The following AGBL4 variants were observed in gnomAD, a reference collection of about 807,000 sequenced individuals.
AGBL4 encodes the protein cytosolic carboxypeptidase 6.
Under a neutral mutation model 66.4 loss-of-function variants are expected in AGBL4, and 58 were observed. The ratio of observed to expected loss-of-function variants is 0.87; its 90% CI spans 0.71 to 1.09. The LOEUF (loss-of-function observed/expected upper bound fraction) is 1.09, where lower values mean the gene tolerates loss of function less well. Ranked by LOEUF, AGBL4 falls within the 50% of genes least tolerant of loss-of-function variation. The probability of loss-of-function intolerance (pLI) is 0.00; values close to 1 mark genes in which losing one functional copy is unlikely to be tolerated. For synonymous variants in AGBL4, 234 were observed against 222.9 expected, an observed-to-expected ratio of 1.05 and a Z score of -0.44; for missense variants, 579 against 631.0, an observed-to-expected ratio of 0.92 and a Z score of 0.88.
chr1:49,048,907 A>G (rs1335118352), intron 4 of AGBL4, among the ~76,000 whole-genome samples: 1 of 152,008 alleles, frequency 6.6e-6, no homozygotes, highest in Non-Finnish European at 1.5e-5. Flanking sequence ...TAATCCCTAC[A>G]GTATCTTTCC....
intron 3 of AGBL4, among the ~76,000 whole-genome samples, chr1:49,504,512 A>T (rs1451406654): frequency 6.6e-6 from 1 of 152,016 alleles, no homozygotes; most frequent in African/African-American, 2.4e-5. Context: ...ATATTTATTT[A>T]GATGCTCCAA....
intron 3 of AGBL4, among the ~76,000 whole-genome samples, chr1:49,543,229 C>T (rs141591807): frequency 9.0e-4 from 137 of 152,164 alleles, no homozygotes; most frequent in South Asian, 3.5e-3. Flanking sequence ...CATTCCACAA[C>T]GAATACCATC....
chr1:49,312,831 C>T (rs1433392836), intron 3 of AGBL4, among the ~76,000 whole-genome samples: 1 of 152,088 alleles, frequency 6.6e-6, no homozygotes, highest in African/African-American at 2.4e-5. Flanking sequence ...ACACCAAACA[C>T]CAGTGAAGAT....
intron 3 of AGBL4, among the ~76,000 whole-genome samples, chr1:49,252,306 C>T (rs57518921): frequency 6.6e-6 from 1 of 152,030 alleles, no homozygotes; most frequent in East Asian, 1.9e-4. Context: ...AGGAAGGATT[C>T]TCAGAGCCTG....
At chr1:48,600,275 G>A (rs1645054657) in intron 9 of AGBL4, among the ~76,000 whole-genome samples, 1 of 152,152 alleles carries the variant, frequency 6.6e-6, no homozygotes, top group South Asian at 2.1e-4. Flanking sequence ...AGGGGTATAG[G>A]GGTGTGGGAA....
At chr1:49,500,313 C>A (rs973293229) in intron 3 of AGBL4, among the ~76,000 whole-genome samples, 3 of 151,772 alleles carry the variant, frequency 2.0e-5, no homozygotes, top group Admixed American at 6.6e-5. Context: ...ACATTTTCTG[C>A]CACTCTGTGG....
At chr1:49,013,526 C>A (rs1383648463) in intron 5 of AGBL4, among the ~76,000 whole-genome samples, 1 of 152,158 alleles carries the variant, frequency 6.6e-6, no homozygotes, top group East Asian at 1.9e-4. Flanking sequence ...ACCCAGGCAA[C>A]CTTCCAATTT....
chr1:49,911,614 C>T (rs929153720), intron 1 of AGBL4, among the ~76,000 whole-genome samples: 14 of 152,086 alleles, frequency 9.2e-5, no homozygotes, highest in African/African-American at 3.4e-4. Flanking sequence ...TTGTGAAACC[C>T]CTAGTGGAGC....
intron 6 of AGBL4, among the ~76,000 whole-genome samples, chr1:48,779,723 T>C (rs1314585726): frequency 1.5e-5 from 1 of 65,056 alleles, no homozygotes; most frequent in East Asian, 3.2e-4. Flanking sequence ...TTTTTTTTTT[T>C]TTTTCTTGAG....
intron 9 of AGBL4, among the ~76,000 whole-genome samples, chr1:48,607,825 G>C (rs998430721): frequency 1.3e-5 from 2 of 152,082 alleles, no homozygotes; most frequent in East Asian, 1.9e-4. Context: ...TCCTGACTCC[G>C]AGTCAATCCA....
At chr1:49,393,044 C>T (rs927085354) in intron 3 of AGBL4, among the ~76,000 whole-genome samples, 3 of 152,134 alleles carry the variant, frequency 2.0e-5, no homozygotes, top group African/African-American at 7.2e-5. Context: ...CATCAGTTCT[C>T]ACCTCTGGGA....
At chr1:49,168,682 T>C (rs1646677925) in intron 4 of AGBL4, among the ~76,000 whole-genome samples, 1 of 152,190 alleles carries the variant, frequency 6.6e-6, no homozygotes, top group African/African-American at 2.4e-5. Context: ...TCTTGCCACC[T>C]GCACCAAGGA....
intron 3 of AGBL4, among the ~76,000 whole-genome samples, chr1:49,642,422 C>T (rs1366165009): frequency 6.6e-6 from 1 of 151,950 alleles, no homozygotes; most frequent in Admixed American, 6.6e-5. Flanking sequence ...TCCTTGCTGT[C>T]TCCTTAAGTT....
At chr1:48,655,946 C>T (rs1646012958) in intron 7 of AGBL4, among the ~76,000 whole-genome samples, 1 of 152,188 alleles carries the variant, frequency 6.6e-6, no homozygotes, top group Non-Finnish European at 1.5e-5. Flanking sequence ...CTATTTTATT[C>T]CTCTCCGCCA....
chr1:49,517,904 T>C (rs1199546138), intron 3 of AGBL4, among the ~76,000 whole-genome samples: 2 of 152,194 alleles, frequency 1.3e-5, no homozygotes, highest in South Asian at 2.1e-4. Context: ...AGACTAAATA[T>C]GTTAATGATT....
chr1:49,439,358 G>A (rs1042968466), intron 3 of AGBL4, among the ~76,000 whole-genome samples: 2 of 152,202 alleles, frequency 1.3e-5, no homozygotes, highest in African/African-American at 2.4e-5. Context: ...TCCTCTATGA[G>A]TTCTCAGGAA....
At chr1:49,463,429 G>A (rs1646558775) in intron 3 of AGBL4, among the ~76,000 whole-genome samples, 1 of 151,680 alleles carries the variant, frequency 6.6e-6, no homozygotes, top group African/African-American at 2.4e-5. Context: ...ATAGAAAAAT[G>A]TAAAGCACTG....
intron 2 of AGBL4, among the ~76,000 whole-genome samples, chr1:49,705,497 G>A (rs148274473): frequency 8.4e-4 from 127 of 151,848 alleles, no homozygotes; most frequent in African/African-American, 2.9e-3. Flanking sequence ...GAGACAATTT[G>A]ACTTCCTCTC....
intron 4 of AGBL4, among the ~76,000 whole-genome samples, chr1:49,195,887 G>A (rs1236101113): frequency 6.6e-6 from 1 of 152,110 alleles, no homozygotes; most frequent in African/African-American, 2.4e-5. Context: ...GAGGTGATTA[G>A]ATCATGGGGA....
Sources: allele counts gnomAD v4.1 joint callset (sites outside exome capture counted in the v4.1 genomes callset), GRCh38; gene constraint gnomAD v4.1.1; transcripts MANE v1.5; gene names NCBI Gene and HGNC (gene_info 2026-07-23, HGNC 2026-07-21).